Variants in DPP10 observed in about 807,000 individuals in gnomAD.
The protein encoded by DPP10 is dipeptidyl peptidase like 10.
DPP10 carries 33 observed loss-of-function variants against 120.9 expected under a neutral mutation model. That is an observed-to-expected ratio of 0.27 (90% CI 0.21 to 0.37). The LOEUF (loss-of-function observed/expected upper bound fraction) is 0.37. DPP10 is among the 10% of genes least tolerant of loss of function. The pLI, the probability that DPP10 is intolerant of heterozygous loss-of-function variation, is 1.00. For missense variants in DPP10, 816 were observed against 942.8 expected, an observed-to-expected ratio of 0.87 and a Z score of 1.76; for synonymous variants, 337 against 326.1, an observed-to-expected ratio of 1.03 and a Z score of -0.36.
intron 1 of DPP10, among the ~76,000 whole-genome samples, chr2:114,910,166 A>C (rs1033682033): frequency 6.6e-6 from 1 of 151,898 alleles, no homozygotes. Flanking sequence ...ATAAATGTAT[A>C]CACACACATA....
At chr2:115,616,286 C>T (rs1158720431) in intron 5 of DPP10, among the ~76,000 whole-genome samples, 1 of 151,864 alleles carries the variant, frequency 6.6e-6, no homozygotes, top group African/African-American at 2.4e-5. Flanking sequence ...TATATTATCT[C>T]ATTCAATTCT....
chr2:114,875,293 A>C (rs772846804), intron 1 of DPP10, among the ~76,000 whole-genome samples: 1 of 152,138 alleles, frequency 6.6e-6, no homozygotes, highest in Non-Finnish European at 1.5e-5. Flanking sequence ...GAAATATTTG[A>C]TGTAGTTTCT....
chr2:114,574,052 T>C (rs1689859386), intron 1 of DPP10, among the ~76,000 whole-genome samples: 1 of 152,128 alleles, frequency 6.6e-6, no homozygotes, highest in South Asian at 2.1e-4. Context: ...TGGCATTTTA[T>C]TCCAAGTGGA....
chr2:114,888,476 A>G (rs1253838738), intron 1 of DPP10, among the ~76,000 whole-genome samples: 2 of 152,222 alleles, frequency 1.3e-5, no homozygotes, highest in Non-Finnish European at 2.9e-5. Flanking sequence ...AGAAAATTTT[A>G]CTTTGAAAAC....
chr2:115,017,779 T>C (rs1310422385), intron 1 of DPP10, among the ~76,000 whole-genome samples: 1 of 150,986 alleles, frequency 6.6e-6, no homozygotes, highest in Non-Finnish European at 1.5e-5. Context: ...TCGCATGTTC[T>C]CACTCATAGC....
chr2:115,115,991 A>G (rs2049485320), intron 1 of DPP10, among the ~76,000 whole-genome samples: 3 of 152,212 alleles, frequency 2.0e-5, no homozygotes, highest in Non-Finnish European at 4.4e-5. Context: ...AAACAATGTG[A>G]AATTTGGGGT....
At chr2:115,568,617 C>T (rs1409760426) in intron 5 of DPP10, among the ~76,000 whole-genome samples, 3 of 143,588 alleles carry the variant, frequency 2.1e-5, no homozygotes, top group African/African-American at 7.8e-5. Context: ...TTGTCTTTTG[C>T]TCATTTTTCT....
chr2:115,174,286 G>A (rs1375940910), intron 1 of DPP10, among the ~76,000 whole-genome samples: 1 of 152,152 alleles, frequency 6.6e-6, no homozygotes, highest in Non-Finnish European at 1.5e-5. Flanking sequence ...GTTTCCAAAT[G>A]AGAAAATGTG....
chr2:115,686,320 T>A (rs2149487998), intron 5 of DPP10, among the ~76,000 whole-genome samples: 1 of 152,114 alleles, frequency 6.6e-6, no homozygotes, highest in Non-Finnish European at 1.5e-5. Context: ...CAAGCGTGAG[T>A]TATAGTGTTG....
At chr2:114,780,590 A>G (rs776023653) in intron 1 of DPP10, among the ~76,000 whole-genome samples, 5 of 152,122 alleles carry the variant, frequency 3.3e-5, no homozygotes, top group Admixed American at 6.5e-5. Context: ...TATTATTACA[A>G]TAACACACTA....
At chr2:115,383,116 T>G (rs1259008583) in intron 3 of DPP10, among the ~76,000 whole-genome samples, 5 of 152,030 alleles carry the variant, frequency 3.3e-5, no homozygotes, top group Non-Finnish European at 7.4e-5. Flanking sequence ...ATAGCCTGAG[T>G]TTTCAGATTA....
intron 5 of DPP10, among the ~76,000 whole-genome samples, chr2:115,653,436 G>T (rs942609611): frequency 2.6e-5 from 4 of 151,908 alleles, no homozygotes; most frequent in African/African-American, 4.8e-5. Flanking sequence ...CAACAAATCT[G>T]CCATCTACAT....
At chr2:114,548,458 C>G (rs1234798151) in intron 1 of DPP10, among the ~76,000 whole-genome samples, 1 of 152,146 alleles carries the variant, frequency 6.6e-6, no homozygotes, top group Admixed American at 6.5e-5. Flanking sequence ...CTTGCCTCCT[C>G]TCCTCCCCTC....
intron 5 of DPP10, among the ~76,000 whole-genome samples, chr2:115,614,847 G>A (rs1342505142): frequency 6.6e-6 from 1 of 152,102 alleles, no homozygotes; most frequent in Non-Finnish European, 1.5e-5. Context: ...ATTTTTACCT[G>A]GGTAGCAGTG....
chr2:115,737,155 G>C (rs561191893), intron 8 of DPP10, among the ~76,000 whole-genome samples: 1 of 152,138 alleles, frequency 6.6e-6, no homozygotes, highest in Non-Finnish European at 1.5e-5. Flanking sequence ...CCAGGCCCGC[G>C]TTTATTTCTC....
chr2:115,318,585 A>AGAGG (rs1280866182), intron 2 of DPP10, among the ~76,000 whole-genome samples: 1 of 152,116 alleles, frequency 6.6e-6, no homozygotes, highest in South Asian at 2.1e-4. Flanking sequence ...GAAATAATTT[A>AGAGG]AATAAAACAA....
intron 2 of DPP10, among the ~76,000 whole-genome samples, chr2:115,338,865 G>A (rs1454849701): frequency 2.0e-5 from 3 of 152,080 alleles, no homozygotes; most frequent in African/African-American, 4.8e-5. Context: ...AAAAGCCATA[G>A]GAGAAAGTTT....
intron 5 of DPP10, among the ~76,000 whole-genome samples, chr2:115,545,558 G>A (rs774963245): frequency 6.6e-6 from 1 of 152,138 alleles, no homozygotes; most frequent in Admixed American, 6.6e-5. Flanking sequence ...AGCCATGAAA[G>A]GTCATAGTGT....
At chr2:114,627,722 G>A (rs1694622687) in intron 1 of DPP10, among the ~76,000 whole-genome samples, 1 of 152,130 alleles carries the variant, frequency 6.6e-6, no homozygotes, top group African/African-American at 2.4e-5. Flanking sequence ...TTGAAGAGGT[G>A]CAGTATTTTT....
Sources: allele counts gnomAD v4.1 joint callset (sites outside exome capture counted in the v4.1 genomes callset), GRCh38; gene constraint gnomAD v4.1.1; transcripts MANE v1.5; gene names NCBI Gene and HGNC (gene_info 2026-07-23, HGNC 2026-07-21).